Variants in GRAMD4 observed in about 807,000 individuals in gnomAD.
GRAMD4 encodes the protein GRAM domain-containing protein 4.
A neutral mutation model predicts 83.9 loss-of-function variants in GRAMD4; 25 were observed. The ratio of observed to expected loss-of-function variants is 0.30; its 90% CI spans 0.22 to 0.42. The LOEUF is 0.42. Ranked by LOEUF, GRAMD4 falls within the 10% of genes least tolerant of loss-of-function variation. The probability of loss-of-function intolerance (pLI) is 1.00; values close to 1 mark genes in which losing one functional copy is unlikely to be tolerated. For synonymous variants in GRAMD4, 336 were observed against 320.9 expected, an observed-to-expected ratio of 1.05 and a Z score of -0.50; for missense variants, 593 against 788.7, an observed-to-expected ratio of 0.75 and a Z score of 2.97.
chr22:46,665,759 G>A (rs2082398941), intron 9 of GRAMD4, 53 bp downstream of exon 9: 3 of 970,436 alleles, frequency 3.1e-6, no homozygotes, highest in Admixed American at 3.5e-5. Flanking sequence ...GTATGGCTGT[G>A]CTGTCTCCCT....
intron 1 of GRAMD4, among the ~76,000 whole-genome samples, chr22:46,609,823 T>C (rs2081400246): frequency 6.6e-6 from 1 of 152,226 alleles, no homozygotes; most frequent in Admixed American, 6.5e-5. Context: ...ACCAGTCTTC[T>C]TCACTGTGTT....
intron 1 of GRAMD4, among the ~76,000 whole-genome samples, chr22:46,595,910 G>A (rs1275279999): frequency 6.6e-6 from 1 of 151,940 alleles, no homozygotes; most frequent in Admixed American, 6.6e-5. Context: ...AGGCTGAGGA[G>A]TGGGTGCACA....
chr22:46,676,726 G>C, intron 18 of GRAMD4, 58 bp downstream of exon 18: 2 of 1,458,760 alleles, frequency 1.4e-6, no homozygotes. Flanking sequence ...GCCTGACTCT[G>C]AGCAACCCTG....
chr22:46,675,576 C>G, intron 17 of GRAMD4, 24 bp downstream of exon 17: 1 of 1,451,904 alleles, frequency 6.9e-7, no homozygotes, highest in Middle Eastern at 1.7e-4. Context: ...CCCACCCCCA[C>G]TAACCCCCGT....
At chr22:46,597,711 G>T (rs529485134) in intron 1 of GRAMD4, among the ~76,000 whole-genome samples, 1 of 152,018 alleles carries the variant, frequency 6.6e-6, no homozygotes, top group African/African-American at 2.4e-5. Flanking sequence ...GGATGGTCTC[G>T]ATCTCCTGAC....
chr22:46,674,764 TG>T lies in GRAMD4; in HGVS notation c.1478+18del. The T allele has an allele frequency of 6.4e-7, 1 of 1,566,054 alleles. No individual in the cohort carries two copies. The highest frequency in any genetic ancestry group is 8.8e-7 in the Non-Finnish European group (1 of 1,137,494). On this transcript the variant is annotated intron_variant, in intron 16 of 18. Transcript: ENST00000406902. ...CGTCACGGAGAAGTGAGTGCAGCCG[TG>T]GGGCCCTGTGTGGCTGCAGGGGAGG...
At chr22:46,592,336 G>T (rs776931713) in intron 1 of GRAMD4, among the ~76,000 whole-genome samples, 1 of 152,114 alleles carries the variant, frequency 6.6e-6, no homozygotes, top group Non-Finnish European at 1.5e-5. Context: ...AGAGCTGGGT[G>T]CAGGGGTGCG....
intron 1 of GRAMD4, among the ~76,000 whole-genome samples, chr22:46,596,181 G>T (rs2081260454): frequency 6.6e-6 from 1 of 152,246 alleles, no homozygotes; most frequent in South Asian, 2.1e-4. Context: ...ATGAGGACAA[G>T]GACTAGCTGT....
upstream of GRAMD4, chr22:46,620,317 C>A: frequency 1.0e-6 from 1 of 985,698 alleles, no homozygotes; most frequent in African/African-American, 1.7e-5. The surrounding 1 kb of genome is among the most constrained non-coding windows in gnomAD (Gnocchi z 4.7). Context: ...TGGCCGGGCG[C>A]CGCCCTGAGC....
At position 46,678,348 on chromosome 22, in the gene GRAMD4, C is replaced by T. The variant is rs905996862; in HGVS notation, c.*1097C>T. ...ACTGCCTGCAGCCGACATGCGACAG[C>T]GTTCCCTCCCCCGCGTGCCTAGCCG... On this transcript the variant is annotated 3_prime_UTR_variant, in exon 19 of 19. Coordinates refer to ENST00000406902, the MANE Select transcript of GRAMD4 (RefSeq NM_015124.5). The T allele has an allele frequency of 4.5e-5, 44 of 985,466 alleles. 2 individuals are homozygous for T. In the Middle Eastern group the frequency reaches 2.1e-3, roughly 47 times the overall value. The allele number at this position is 985,466 out of a possible 1,614,324, so 61.0% of individuals were successfully genotyped here.
chr22:46,587,432 C>T (rs565632999), intron 1 of GRAMD4, among the ~76,000 whole-genome samples: 2 of 152,050 alleles, frequency 1.3e-5, no homozygotes, highest in East Asian at 1.9e-4. Flanking sequence ...CTCTGGGAGG[C>T]GGAGGCCGTT....
intron 3 of GRAMD4, among the ~76,000 whole-genome samples, chr22:46,639,648 A>G (rs2081946130): frequency 6.6e-6 from 1 of 150,604 alleles, no homozygotes; most frequent in Non-Finnish European, 1.5e-5. Context: ...GTGCGTGTGC[A>G]TGCCCGTGTG....
chr22:46,612,792 C>T (rs2081430617), intron 1 of GRAMD4, among the ~76,000 whole-genome samples: 1 of 152,272 alleles, frequency 6.6e-6, no homozygotes, highest in Admixed American at 6.5e-5. Context: ...GGGGCAAGGA[C>T]AAGCCGTGCT....
intron 3 of GRAMD4, among the ~76,000 whole-genome samples, chr22:46,649,176 C>A (rs1187197731): frequency 2.0e-5 from 3 of 152,200 alleles, no homozygotes; most frequent in Admixed American, 2.0e-4. Context: ...CCTAGAGTCA[C>A]CAGCTGGAAC....
At position 46,678,728 on chromosome 22, in the gene GRAMD4, T is replaced by A. The variant is rs1424587722; in HGVS notation, c.*1477T>A. 3 of 985,730 alleles carry A rather than the reference T, an allele frequency of 3.0e-6. No homozygotes were observed. Among genetic ancestry groups the A allele is most frequent in the Non-Finnish European group, 3.6e-6 (3 of 829,976 alleles). The allele number at this position is 985,730 out of a possible 1,614,324, so 61.1% of individuals were successfully genotyped here. A position where few individuals can be genotyped will look rare whatever the true frequency, so the allele number is the denominator to read the frequency against. ...TTTCAGATGTAATTTTTATCTTTGC[T>A]CCGATCCTCATTTGCTGGTGTGGGT... On this transcript the variant is annotated 3_prime_UTR_variant, in exon 19 of 19. Coordinates refer to ENST00000406902, the MANE Select transcript of GRAMD4 (RefSeq NM_015124.5).
chr22:46,680,586 CCATCCATCCACCCACCCATT>C (rs796383614), downstream of GRAMD4, among the ~76,000 whole-genome samples: 1 of 23,174 alleles, frequency 4.3e-5, no homozygotes, highest in Non-Finnish European at 8.5e-5. Context: ...ATCCATCCAT[CCATCCATCCACCCACCCATT>C]CATCCATCCA....
At chr22:46,639,208 A>G (rs1377748173) in intron 3 of GRAMD4, among the ~76,000 whole-genome samples, 1 of 141,772 alleles carries the variant, frequency 7.1e-6, no homozygotes, top group African/African-American at 2.6e-5. Flanking sequence ...AACTCTGTGT[A>G]TGCATGTGTG....
upstream of GRAMD4, among the ~76,000 whole-genome samples, chr22:46,619,968 A>G (rs2081550488): frequency 6.6e-6 from 1 of 152,094 alleles, no homozygotes; most frequent in Admixed American, 6.5e-5. Flanking sequence ...GCCGCCAGAT[A>G]ATAAGGGGAT....
chr22:46,617,815 C>T (rs1250116425), upstream of GRAMD4, among the ~76,000 whole-genome samples: 2 of 152,222 alleles, frequency 1.3e-5, no homozygotes, highest in Non-Finnish European at 2.9e-5. Flanking sequence ...GAAGGCTCAG[C>T]TCCCCACATG....
Sources: gnomAD v4.1 joint callset for allele counts (sites outside exome capture counted in the v4.1 genomes callset) on GRCh38, gnomAD v4.1.1 for gene constraint, Gnocchi (gnomAD v3.1) non-coding constraint, MANE v1.5 for transcripts, NCBI Gene and HGNC (gene_info 2026-07-23, HGNC 2026-07-21) for gene names.